Variants in FLACC1 observed in about 807,000 individuals in gnomAD.
The protein encoded by FLACC1 is flagellum associated containing coiled-coil domains 1, also known as flagellum-associated coiled-coil domain-containing protein 1.
Under a neutral mutation model 62.8 loss-of-function variants are expected in FLACC1, and 66 were observed. That is an observed-to-expected ratio of 1.05 (90% CI 0.86 to 1.29). The LOEUF is 1.29. Among genes scored for constraint, FLACC1 ranks in the 50% most tolerant of loss-of-function variants. The pLI, the probability that FLACC1 is intolerant of heterozygous loss-of-function variation, is 0.00. For synonymous variants in FLACC1, 156 were observed against 161.0 expected (o/e 0.97, Z 0.24); for missense variants, 452 against 489.1 (o/e 0.92, Z 0.71).
At chr2:201,344,141 A>G (rs1485615751) in intron 6 of FLACC1, 29 bp downstream of exon 6, 1 of 1,543,272 alleles carries the variant, frequency 6.5e-7, no homozygotes, top group Non-Finnish European at 8.9e-7. Context: ...TTTGTCCATG[A>G]AGATGTTAGC....
At chr2:201,296,878 T>G (rs1000772052) in intron 12 of FLACC1, among the ~76,000 whole-genome samples, 1 of 151,970 alleles carries the variant, frequency 6.6e-6, no homozygotes, top group African/African-American at 2.4e-5. Context: ...TTATGCTCCA[T>G]GGGGATGGAT....
In FLACC1 at chr2:201,344,338, ACT is replaced by A. The variant is rs570279892; in HGVS notation, c.369-77_369-76del. The A allele has an allele frequency of 8.5e-4, 1,085 of 1,269,650 alleles. 3 individuals are homozygous for A. Among genetic ancestry groups the A allele is most frequent in the Non-Finnish European group, 1.0e-3 (915 of 874,942 alleles). The allele number at this position is 1,269,650 out of a possible 1,614,324, so 78.6% of individuals were successfully genotyped here. ...CCATTCAGGCCCCTGAGCATGACTG[ACT>A]CTGGCATGGTGAGAGCTGGCCTGGT... is the stretch of plus-strand genomic sequence containing the variant. On this transcript the variant is annotated intron_variant, in intron 5 of 14. Transcript: ENST00000392257.
At chr2:201,301,403 C>A in intron 11 of FLACC1, among the ~76,000 whole-genome samples, 1 of 152,014 alleles carries the variant, frequency 6.6e-6, no homozygotes, top group African/African-American at 2.4e-5. Context: ...AAGAAATGAA[C>A]AAAGCCTCCA....
At position 201,335,945 on chromosome 2, in the gene FLACC1, T is replaced by A. The variant is rs150380174; in HGVS notation, c.525-5112A>T. On this transcript the variant is annotated intron_variant, in intron 7 of 14. Transcript: ENST00000392257. ...ATTTTTTAAGCTGTCATAAATAGAA[T>A]TGTCTTCTTAATTTCTTTTTTAGAT... Among the ~76,000 whole-genome samples, 692 of 152,296 alleles carry A rather than the reference T, an allele frequency of 4.5e-3. 5 individuals carry two copies. The highest frequency in any genetic ancestry group is 0.015 in the African/African-American group (642 of 41,580).
intron 3 of FLACC1, among the ~76,000 whole-genome samples, chr2:201,349,208 T>A (rs1950976933): frequency 6.6e-6 from 1 of 152,162 alleles, no homozygotes; most frequent in Non-Finnish European, 1.5e-5. Context: ...GCTCACTCGC[T>A]CCGCTCATGC....
rs575053584 is a variant in FLACC1, at chr2:201,326,513, T to C, written c.675+3957A>G. Reference sequence around the variant, plus strand: ...AGTGTACACATATCAGTAGCACTGCTATACGCTAACAACGACCAAGCTGAG... The same window carrying C: ...AGTGTACACATATCAGTAGCACTGCCATACGCTAACAACGACCAAGCTGAG... On this transcript the variant is annotated intron_variant, in intron 9 of 14. Coordinates refer to ENST00000392257, the MANE Select transcript of FLACC1 (RefSeq NM_001127391.3). This position sits in a 1 kb window ranked among gnomAD's most constrained non-coding sequence, Gnocchi z 4.1. Among the ~76,000 whole-genome samples, 1 of 152,330 alleles carries C rather than the reference T, an allele frequency of 6.6e-6. No individual in the cohort carries two copies. Among genetic ancestry groups the C allele is most frequent in the South Asian group, 2.1e-4 (1 of 4,822 alleles).
intron 9 of FLACC1, among the ~76,000 whole-genome samples, chr2:201,310,364 G>A (rs1054214964): frequency 6.6e-6 from 1 of 152,140 alleles, no homozygotes; most frequent in Non-Finnish European, 1.5e-5. Flanking sequence ...ACTTTTGATA[G>A]AGCGACCAAG....
chr2:201,298,505 G>T (rs962765681), intron 12 of FLACC1, among the ~76,000 whole-genome samples: 2 of 152,152 alleles, frequency 1.3e-5, no homozygotes, highest in Admixed American at 1.3e-4. Context: ...ACAAATGACA[G>T]AATTCGTAGA....
chr2:201,330,926 A>C, intron 7 of FLACC1, 93 bp from the exon 8 acceptor site: 31 of 809,366 alleles, frequency 3.8e-5, no homozygotes, highest in Non-Finnish European at 5.1e-5. Flanking sequence ...CCACCCTCCC[A>C]CAGGAAGTGA....
upstream of FLACC1, among the ~76,000 whole-genome samples, chr2:201,359,099 G>C (rs377700428): frequency 6.6e-6 from 1 of 152,348 alleles, no homozygotes; most frequent in African/African-American, 2.4e-5. Flanking sequence ...AGGAGCAGCA[G>C]TGGGGATGGA....
At chr2:201,293,239 G>A (rs567702795) in intron 12 of FLACC1, among the ~76,000 whole-genome samples, 8 of 152,124 alleles carry the variant, frequency 5.3e-5, no homozygotes, top group South Asian at 2.1e-4. Flanking sequence ...GCACCACATC[G>A]CACATATTCC....
At chr2:201,299,215 C>A in intron 12 of FLACC1, 23 bp downstream of exon 12, 1 of 1,606,718 alleles carries the variant, frequency 6.2e-7, no homozygotes, top group Non-Finnish European at 8.5e-7. Context: ...ACCAAGTCCA[C>A]AGGAAAGGAT....
intron 9 of FLACC1, among the ~76,000 whole-genome samples, chr2:201,319,301 T>G (rs924905396): frequency 9.2e-5 from 14 of 152,136 alleles, no homozygotes; most frequent in Non-Finnish European, 1.6e-4. Context: ...GATAGCTGGC[T>G]AGCCATATGC....
At chr2:201,320,881 G>T (rs7570324) in intron 9 of FLACC1, among the ~76,000 whole-genome samples, 51,127 of 152,114 alleles carry the variant, frequency 0.34, 10,125 homozygotes, top group East Asian at 0.48. Context: ...ATTGCAGCTG[G>T]TTCCCTTTTG....
At chr2:201,330,907 T>G in intron 7 of FLACC1, 74 bp from the exon 8 acceptor site, 1 of 1,153,102 alleles carries the variant, frequency 8.7e-7, no homozygotes, top group South Asian at 1.5e-5. Flanking sequence ...CCTGATCTGA[T>G]CCTACCCTCC....
chr2:201,289,777 C>T lies in FLACC1; in HGVS notation c.951G>A (p.Gln317=). ...TAAGGGCTTGTGCATGCAATTCTTC[C>T]TGCATGACCTGCATAAGAAGAAGCT... ...EELRKTKEVM[Q]EELHAQALIL... is the part of the protein sequence containing the mutation. The change falls in exon 13 of 15, where the codon CAG becomes CAA. Residue 317 remains glutamine (Q), a synonymous_variant. Transcript: ENST00000392257. 6.2e-7 allele frequency: 1 copy of T among 1,614,166 alleles called. No homozygotes were observed. The highest frequency in any genetic ancestry group is 8.5e-7 in the Non-Finnish European group (1 of 1,180,008).
At position 201,350,753 on chromosome 2, in the gene FLACC1, T is replaced by C. The variant is rs371599669; in HGVS notation, c.143A>G (p.Asn48Ser). 1 of 1,613,362 alleles carries C rather than the reference T, an allele frequency of 6.2e-7. No homozygotes were observed. Among genetic ancestry groups the C allele is most frequent in the Non-Finnish European group, 8.5e-7 (1 of 1,179,352 alleles). Residue 48 changes from asparagine (N) to serine (S), a missense_variant, in exon 3 of 15, where the codon AAT (asparagine) becomes AGT (serine). By Grantham distance (46) the Asn-to-Ser change is conservative. This residue lies in a region of FLACC1 where 147 missense variants were observed against 152.7 expected (regional missense o/e 0.96). Coordinates refer to ENST00000392257, the MANE Select transcript of FLACC1 (RefSeq NM_001127391.3). ...TTTTGTTGGTTGGAGGTAATTGTGA[T>C]TTTTTGGAGCTGGTACAAGAGGAGT... ...KLTPLVPAPKNHNYLQPTKPV... is the reference protein window; with the variant it reads ...KLTPLVPAPKSHNYLQPTKPV...
intron 9 of FLACC1, among the ~76,000 whole-genome samples, chr2:201,325,737 C>G (rs1950489246): frequency 6.6e-6 from 1 of 152,030 alleles, no homozygotes; most frequent in African/African-American, 2.4e-5. Flanking sequence ...CTGAATTCCA[C>G]CAGATGTTCA....
chr2:201,304,101 A>G (rs1468045904), intron 11 of FLACC1, among the ~76,000 whole-genome samples: 1 of 152,224 alleles, frequency 6.6e-6, no homozygotes, highest in East Asian at 1.9e-4. Flanking sequence ...AGGAGAAGGA[A>G]ATAAAGGGTA....
Sources: allele counts gnomAD v4.1 joint callset (sites outside exome capture counted in the v4.1 genomes callset), GRCh38; gene constraint gnomAD v4.1.1; regional missense constraint gnomAD v4.1.1; non-coding constraint Gnocchi (gnomAD v3.1); transcripts MANE v1.5; gene names NCBI Gene and HGNC (gene_info 2026-07-23, HGNC 2026-07-21).